The following BSN variants were observed in gnomAD, a reference collection of about 807,000 sequenced individuals.
The protein encoded by BSN is bassoon presynaptic cytomatrix protein.
Under a neutral mutation model 264.8 loss-of-function variants are expected in BSN, and 57 were observed. The ratio of observed to expected loss-of-function variants is 0.22; its 90% CI spans 0.17 to 0.27. The LOEUF (loss-of-function observed/expected upper bound fraction) is 0.27. BSN is among the 10% of genes least tolerant of loss of function. The pLI is 1.00. For synonymous variants in BSN, 2,059 were observed against 2,137.3 expected, an observed-to-expected ratio of 0.96 and a Z score of 1.01; for missense variants, 4,615 against 5,232.5, an observed-to-expected ratio of 0.88 and a Z score of 3.64.
chr3:49,652,811 G>T lies in BSN; in HGVS notation c.3255G>T (p.Arg1085=). The T allele has an allele frequency of 6.4e-7, 1 of 1,561,754 alleles. No homozygotes were observed. Among genetic ancestry groups the T allele is most frequent in the South Asian group, 1.2e-5 (1 of 83,594 alleles). ...RRDKEELRAQ[R]RRERSKTPPS... ...ACAAGGAAGAACTGCGGGCCCAGCG[G>T]AGGCGAGAGCGCTCCAAGACACCAC... Residue 1085 remains arginine (R), a synonymous_variant, in exon 5 of 12, where the codon CGG becomes CGT. Transcript: ENST00000296452.
chr3:49,599,447 A>G (rs561057383), intron 1 of BSN, among the ~76,000 whole-genome samples: 1 of 152,124 alleles, frequency 6.6e-6, no homozygotes, highest in Non-Finnish European at 1.5e-5. Context: ...GTAGTCTTAA[A>G]CTGGAAACTG....
chr3:49,629,069 C>A (rs912189733), intron 2 of BSN, among the ~76,000 whole-genome samples: 6 of 152,258 alleles, frequency 3.9e-5, no homozygotes, highest in African/African-American at 1.4e-4. Context: ...GCACTGATGC[C>A]AGGGGGCCAG....
chr3:49,662,352 G>A lies in BSN; in HGVS notation c.10507G>A (p.Glu3503Lys). ...VRPPMRSQAS[E>K]EESPVSPLGR... The stretch of plus-strand genomic sequence containing the variant: ...ACCCCCCATGCGGAGCCAGGCCTCT[G>A]AAGAGGAGAGCCCCGTCAGTCCTTT... The change falls in exon 6 of 12, where the codon GAA becomes AAA. Residue 3503 changes from glutamate (E) to lysine (K), a missense_variant. Physicochemically the swap from Glu to Lys is moderately conservative, Grantham distance 56. Coordinates refer to ENST00000296452, the MANE Select transcript of BSN (RefSeq NM_003458.4). 1 of 1,613,532 alleles carries A rather than the reference G, an allele frequency of 6.2e-7. No homozygotes were observed. The highest frequency in any genetic ancestry group is 8.5e-7 in the Non-Finnish European group (1 of 1,179,776).
intron 2 of BSN, among the ~76,000 whole-genome samples, chr3:49,634,658 C>T (rs1035251084): frequency 6.6e-6 from 1 of 152,220 alleles, no homozygotes; most frequent in African/African-American, 2.4e-5. Flanking sequence ...TCCCAAAGTG[C>T]TGGGATTACA....
At position 49,554,719 on chromosome 3, in the gene BSN, A is replaced by C. The variant is rs572912064; in HGVS notation, c.117A>C (p.Ala39=). 8.3e-7 allele frequency: 1 copy of C among 1,209,222 alleles called. No individual in the cohort carries two copies. Among genetic ancestry groups the C allele is most frequent in the African/African-American group, 1.6e-5 (1 of 62,694 alleles). 74.9% of individuals were successfully genotyped at this position (1,209,222 alleles called of 1,614,324 possible). Reference sequence around the variant, plus strand: ...CCGGCGCAGGAAAGCCGCCTTCAGCACCGGCCGGTGGCGGACAGCTCCCCG... The same window carrying C: ...CCGGCGCAGGAAAGCCGCCTTCAGCCCCGGCCGGTGGCGGACAGCTCCCCG... The part of the protein sequence containing the change: ...PGPGAGKPPS[A]PAGGGQLPAA... Residue 39 remains alanine, a synonymous_variant, in exon 1 of 12, where the codon GCA becomes GCC. Coordinates refer to ENST00000296452, the MANE Select transcript of BSN (RefSeq NM_003458.4).
intron 1 of BSN, among the ~76,000 whole-genome samples, chr3:49,613,230 T>C (rs2052222360): frequency 6.8e-6 from 1 of 147,098 alleles, no homozygotes; most frequent in South Asian, 2.1e-4. Context: ...GTCACTCAAT[T>C]CCAAAGAGAA....
rs2052740631 is a variant in BSN at position 49,669,560 on chromosome 3, C to G, written c.*2075C>G. 6.6e-6 allele frequency: 1 copy of G among 152,568 alleles called. No individual in the cohort carries two copies. The highest frequency in any genetic ancestry group is 1.5e-5 in the Non-Finnish European group (1 of 68,072). 9.5% of individuals were successfully genotyped at this position (152,568 alleles called of 1,614,324 possible). On this transcript the variant is annotated 3_prime_UTR_variant, in exon 12 of 12. Transcript: ENST00000296452. The stretch of plus-strand genomic sequence containing the variant: ...AGGCTGTGCCCGAGGGACCCCAGCT[C>G]TTGACTGCACCTGTTTCATGCCTCT...
chr3:49,664,481 T>C lies in BSN; in HGVS notation c.11667T>C (p.Gly3889=). 6.2e-7 allele frequency: 1 copy of C among 1,613,442 alleles called. No individual in the cohort carries two copies. Among genetic ancestry groups the C allele is most frequent in the Non-Finnish European group, 8.5e-7 (1 of 1,179,924 alleles). Residue 3889 remains glycine, a synonymous_variant, in exon 9 of 12, where the codon GGT becomes GGC. Coordinates refer to ENST00000296452, the MANE Select transcript of BSN (RefSeq NM_003458.4). ...GTPGAPAGQP[G]ADGESVFSKI... ...CAGGGGCTCCCGCCGGCCAGCCAGG[T>C]GCCGATGGGGAGAGCGTGTTCTCCA...
chr3:49,592,045 G>C (rs1298001442), intron 1 of BSN, among the ~76,000 whole-genome samples: 1 of 152,024 alleles, frequency 6.6e-6, no homozygotes, highest in Non-Finnish European at 1.5e-5. Flanking sequence ...CAATGGGATA[G>C]GATAATTTGA....
chr3:49,605,318 TATATATATTTATAA>T (rs1158021141), intron 1 of BSN, among the ~76,000 whole-genome samples: 1 of 96,614 alleles, frequency 1.0e-5, no homozygotes, highest in African/African-American at 4.1e-5. Flanking sequence ...TTATATTATA[TATATATATTTATAA>T]ATATATATAA....
intron 1 of BSN, among the ~76,000 whole-genome samples, chr3:49,555,562 T>G (rs2051661374): frequency 6.6e-6 from 1 of 152,238 alleles, no homozygotes; most frequent in African/African-American, 2.4e-5. Flanking sequence ...ACAGAATGCT[T>G]TAAACAGAAC....
intron 1 of BSN, among the ~76,000 whole-genome samples, chr3:49,596,930 G>C (rs540558329): frequency 4.6e-5 from 7 of 151,798 alleles, no homozygotes; most frequent in Non-Finnish European, 7.4e-5. Context: ...TCCTTATATC[G>C]TTGATGCGGT....
At chr3:49,563,054 T>C (rs2051726828) in intron 1 of BSN, among the ~76,000 whole-genome samples, 1 of 152,222 alleles carries the variant, frequency 6.6e-6, no homozygotes, top group South Asian at 2.1e-4. Flanking sequence ...TCAGCTCTAT[T>C]GAGCATAGAA....
intron 3 of BSN, among the ~76,000 whole-genome samples, chr3:49,643,848 C>T (rs1266266957): frequency 6.6e-6 from 1 of 152,198 alleles, no homozygotes; most frequent in Non-Finnish European, 1.5e-5. Context: ...GCCATTCTCT[C>T]CGCAGCCCCT....
chr3:49,663,741 C>T (rs777050683), intron 7 of BSN, 46 bp from the exon 8 acceptor site: 2 of 1,612,260 alleles, frequency 1.2e-6, no homozygotes, highest in Non-Finnish European at 1.7e-6. Context: ...CCCTTGGTTC[C>T]AGGCTGGGCA....
chr3:49,594,792 A>G (rs976474828), intron 1 of BSN, among the ~76,000 whole-genome samples: 1 of 152,086 alleles, frequency 6.6e-6, no homozygotes, highest in African/African-American at 2.4e-5. Context: ...TACATTGACT[A>G]TGTTCAGTCC....
At chr3:49,663,969 CCCCA>C in intron 8 of BSN, 83 bp downstream of exon 8, 1 of 1,292,380 alleles carries the variant, frequency 7.7e-7, no homozygotes, top group South Asian at 1.3e-5. Context: ...CCCTGAGCTC[CCCCA>C]CACTGCATGC....
chr3:49,612,015 A>C (rs1283604320), intron 1 of BSN, among the ~76,000 whole-genome samples: 1 of 152,240 alleles, frequency 6.6e-6, no homozygotes. Flanking sequence ...TCTGATGACT[A>C]AGTAGGAAAA....
chr3:49,555,471 A>G (rs1262117530), intron 1 of BSN, among the ~76,000 whole-genome samples: 1 of 152,222 alleles, frequency 6.6e-6, no homozygotes, highest in Non-Finnish European at 1.5e-5. Flanking sequence ...TGAAGCAAAA[A>G]TGCTATTGAG....
Sources: allele counts gnomAD v4.1 joint callset (sites outside exome capture counted in the v4.1 genomes callset), GRCh38; gene constraint gnomAD v4.1.1; transcripts MANE v1.5; gene names NCBI Gene and HGNC (gene_info 2026-07-23, HGNC 2026-07-21).